Variants in ARHGAP6 observed in about 807,000 individuals in gnomAD.
The protein encoded by ARHGAP6 is rho GTPase-activating protein 6.
ARHGAP6 carries 16 observed loss-of-function variants against 55.7 expected under a neutral mutation model. The observed-to-expected ratio is 0.29, with a 90% CI of 0.19 to 0.44. ARHGAP6 has a LOEUF of 0.44. Among genes scored for constraint, ARHGAP6 ranks in the 20% least tolerant of loss-of-function variants. The pLI is 1.00. For missense variants in ARHGAP6, 698 were observed against 808.9 expected (o/e 0.86, Z 1.66); for synonymous variants, 382 against 360.9 (o/e 1.06, Z -0.66).
In ARHGAP6 at chrX:11,283,622, T is replaced by G. The variant is rs1030964650; in HGVS notation, c.589-28915A>C. On this transcript the variant is annotated intron_variant, in intron 1 of 12. Coordinates refer to ENST00000337414, the MANE Select transcript of ARHGAP6 (RefSeq NM_013427.3). ...AAAATAAGGAGATTGTCCTGAATTA[T>G]GTATATGGGACTAATATCATCACAG... Among the ~76,000 whole-genome samples the G allele has an allele frequency of 1.1e-4, 12 of 111,990 alleles. No homozygotes were observed. In the East Asian group the frequency reaches 1.4e-3, roughly 13 times the overall value.
intron 1 of ARHGAP6, among the ~76,000 whole-genome samples, chrX:11,286,682 C>A (rs143486031): frequency 8.9e-6 from 1 of 112,071 alleles, no homozygotes; most frequent in Non-Finnish European, 1.9e-5. Context: ...AGGGTTGTTG[C>A]TGCTAACACC....
chrX:11,623,360 C>G (rs1470348834), intron 1 of ARHGAP6, among the ~76,000 whole-genome samples: 1 of 110,705 alleles, frequency 9.0e-6, no homozygotes, highest in Non-Finnish European at 1.9e-5. Flanking sequence ...TAGGAATAAA[C>G]TTAACCAAAA....
intron 1 of ARHGAP6, among the ~76,000 whole-genome samples, chrX:11,601,995 T>G (rs927025676): frequency 2.7e-5 from 3 of 111,542 alleles, no homozygotes; most frequent in Non-Finnish European, 5.6e-5. Flanking sequence ...AGTAGTGCTG[T>G]GTGTATGGAG....
intron 1 of ARHGAP6, among the ~76,000 whole-genome samples, chrX:11,447,337 G>A (rs778379642): frequency 3.6e-5 from 4 of 112,319 alleles, no homozygotes; most frequent in Admixed American, 1.9e-4. Context: ...AGCCAAAACT[G>A]AAAAGTCAAA....
chrX:11,373,491 T>C (rs1172574558), intron 1 of ARHGAP6, among the ~76,000 whole-genome samples: 2 of 111,788 alleles, frequency 1.8e-5, no homozygotes, highest in Non-Finnish European at 3.8e-5. Flanking sequence ...GAAAATTAAA[T>C]CATTGCTTTT....
intron 2 of ARHGAP6, among the ~76,000 whole-genome samples, chrX:11,211,227 T>G (rs933036532): frequency 8.4e-5 from 9 of 107,438 alleles, no homozygotes; most frequent in African/African-American, 3.1e-4. Context: ...CTGCTGTTTT[T>G]TTTTTTTTTT....
chrX:11,531,116 A>G (rs1461034639), intron 1 of ARHGAP6, among the ~76,000 whole-genome samples: 2 of 111,610 alleles, frequency 1.8e-5, no homozygotes, highest in African/African-American at 6.5e-5. Context: ...AACAATATTC[A>G]TTAATTATCT....
intron 10 of ARHGAP6, among the ~76,000 whole-genome samples, chrX:11,154,462 T>C (rs913152335): frequency 3.6e-5 from 4 of 112,104 alleles, no homozygotes; most frequent in African/African-American, 1.3e-4. Context: ...ATGCAAAGAG[T>C]GTATTTGAAA....
intron 1 of ARHGAP6, among the ~76,000 whole-genome samples, chrX:11,544,341 G>A (rs2051191302): frequency 8.9e-6 from 1 of 112,345 alleles, no homozygotes; most frequent in Admixed American, 9.4e-5. Context: ...TTCACACATG[G>A]GTAAAGTTCC....
chrX:11,590,873 A>AAGAAAAGAAG (rs1569411008), intron 1 of ARHGAP6, among the ~76,000 whole-genome samples: 7 of 52,631 alleles, frequency 1.3e-4, no homozygotes, highest in Admixed American at 2.3e-4. Flanking sequence ...AAAGAAGGAA[A>AAGAAAAGAAG]GAAAGAAAGA....
intron 1 of ARHGAP6, among the ~76,000 whole-genome samples, chrX:11,357,950 A>T (rs1031686882): frequency 2.7e-5 from 3 of 111,985 alleles, no homozygotes; most frequent in Non-Finnish European, 5.6e-5. Context: ...AAGTTTTAGT[A>T]TATTCAGAGT....
At chrX:11,613,184 A>G (rs1190390463) in intron 1 of ARHGAP6, among the ~76,000 whole-genome samples, 1 of 112,062 alleles carries the variant, frequency 8.9e-6, no homozygotes, top group Non-Finnish European at 1.9e-5. Flanking sequence ...TTAAGCGTTA[A>G]CCTGACCCAA....
At chrX:11,312,357 A>G (rs1381980272) in intron 1 of ARHGAP6, among the ~76,000 whole-genome samples, 1 of 112,131 alleles carries the variant, frequency 8.9e-6, no homozygotes, top group East Asian at 2.8e-4. Flanking sequence ...TTAGACCAAA[A>G]AAGACAAAAA....
At chrX:11,584,491 T>A (rs1248547938) in intron 1 of ARHGAP6, among the ~76,000 whole-genome samples, 3 of 111,505 alleles carry the variant, frequency 2.7e-5, no homozygotes, top group African/African-American at 9.8e-5. Context: ...GCATACCTAA[T>A]CCCTTGGGTA....
chrX:11,405,736 A>T (rs181193855), intron 1 of ARHGAP6, among the ~76,000 whole-genome samples: 2 of 111,935 alleles, frequency 1.8e-5, no homozygotes, highest in South Asian at 3.7e-4. Flanking sequence ...CTCCTCGGGA[A>T]GATGTAAGAC....
At chrX:11,364,900 G>A (rs1165033687) in intron 1 of ARHGAP6, among the ~76,000 whole-genome samples, 4 of 110,375 alleles carry the variant, frequency 3.6e-5, no homozygotes, top group African/African-American at 1.3e-4. Flanking sequence ...AGGAGCCCTG[G>A]ACAACTTCAG....
At chrX:11,548,215 G>A (rs372037558) in intron 1 of ARHGAP6, among the ~76,000 whole-genome samples, 5 of 112,117 alleles carry the variant, frequency 4.5e-5, no homozygotes, top group African/African-American at 1.6e-4. Context: ...TCAAATCAAG[G>A]TAATTAGCAT....
intron 2 of ARHGAP6, among the ~76,000 whole-genome samples, chrX:11,209,723 T>A (rs1046453567): frequency 7.1e-5 from 8 of 111,921 alleles, no homozygotes; most frequent in African/African-American, 2.0e-4. Context: ...CAAAATAGCC[T>A]TACTTGAAAA....
chrX:11,477,485 C>T (rs1221024372), intron 1 of ARHGAP6, among the ~76,000 whole-genome samples: 2 of 111,480 alleles, frequency 1.8e-5, no homozygotes, highest in East Asian at 2.8e-4. Flanking sequence ...CCATATATCC[C>T]GGCCATTTTA....
Sources: allele counts gnomAD v4.1 joint callset (sites outside exome capture counted in the v4.1 genomes callset), GRCh38; gene constraint gnomAD v4.1.1; transcripts MANE v1.5; gene names NCBI Gene and HGNC (gene_info 2026-07-23, HGNC 2026-07-21).